TUSC3: variants seen among roughly 807,000 people sequenced by gnomAD.
TUSC3 encodes the protein dolichyl-diphosphooligosaccharide--protein glycosyltransferase subunit TUSC3.
A neutral mutation model predicts 44.8 loss-of-function variants in TUSC3; 45 were observed. The observed-to-expected ratio is 1.00, with a 90% CI of 0.79 to 1.29. TUSC3 has a LOEUF of 1.29. Among genes scored for constraint, TUSC3 ranks in the 50% most tolerant of loss-of-function variants. TUSC3 has a pLI of 0.00. For missense variants in TUSC3, 519 were observed against 437.9 expected, an observed-to-expected ratio of 1.19 and a Z score of -1.65; for synonymous variants, 212 against 152.9, an observed-to-expected ratio of 1.39 and a Z score of -2.85.
At chr8:15,571,259 TA>T (rs1318745390) in intron 1 of TUSC3, among the ~76,000 whole-genome samples, 1 of 152,030 alleles carries the variant, frequency 6.6e-6, no homozygotes, top group Non-Finnish European at 1.5e-5. Context: ...CCACCGCTAT[TA>T]ATTTTTTTTA....
the TUSC3 span, among the ~76,000 whole-genome samples, chr8:15,814,634 G>T: frequency 1.3e-5 from 2 of 152,034 alleles, no homozygotes; most frequent in South Asian, 4.1e-4. Flanking sequence ...ACAAATACCC[G>T]CATAATATTA....
chr8:15,573,202 C>CTATATATATATATATA (rs373565575), intron 1 of TUSC3, among the ~76,000 whole-genome samples: 5 of 74,202 alleles, frequency 6.7e-5, no homozygotes, highest in Non-Finnish European at 9.6e-5. Context: ...CTCTCTCTCT[C>CTATATATATATATATA]TATATATATA....
chr8:15,429,240 T>G (rs1799842004), intron 1 of TUSC3, among the ~76,000 whole-genome samples: 1 of 152,228 alleles, frequency 6.6e-6, no homozygotes, highest in African/African-American at 2.4e-5. Context: ...CTTTCCCCAT[T>G]TCTTCTTTTT....
intron 2 of TUSC3, among the ~76,000 whole-genome samples, chr8:15,508,516 C>T (rs1465969430): frequency 8.6e-6 from 1 of 115,884 alleles, no homozygotes; most frequent in Non-Finnish European, 1.6e-5. Flanking sequence ...GGCTGGAGTG[C>T]AGTGGCGCCA....
At position 15,650,651 on chromosome 8, in the gene TUSC3, G is replaced by T. The variant is rs767166632; in HGVS notation, c.309-46G>T. The stretch of plus-strand genomic sequence containing the variant: ...CTGTTTTAATAACTGCTTTGTAGAT[G>T]CTTCAGTACTGATGTGTTTCTACTA... On this transcript the variant is annotated intron_variant, in intron 2 of 10. Coordinates refer to ENST00000503731, the MANE Select transcript of TUSC3 (RefSeq NM_006765.4). 9 of 1,529,664 alleles carry T rather than the reference G, an allele frequency of 5.9e-6. No homozygotes were observed. The South Asian group carries it at 6.7e-5, about 11-fold the overall frequency. 94.8% of individuals were successfully genotyped at this position (1,529,664 alleles called of 1,614,324 possible).
chr8:15,588,704 CATT>C (rs1294179945), intron 1 of TUSC3, among the ~76,000 whole-genome samples: 8 of 151,990 alleles, frequency 5.3e-5, no homozygotes, highest in African/African-American at 1.7e-4. Context: ...ACACTTAAGT[CATT>C]ATATTTTGAG....
At chr8:15,448,398 C>G (rs995426658) in intron 1 of TUSC3, among the ~76,000 whole-genome samples, 3 of 152,118 alleles carry the variant, frequency 2.0e-5, no homozygotes, top group Middle Eastern at 3.4e-3. Flanking sequence ...GGATTACAGA[C>G]ATGTGCCACC....
intron 7 of TUSC3, among the ~76,000 whole-genome samples, chr8:15,731,736 C>G (rs561065548): frequency 5.1e-4 from 77 of 152,232 alleles, no homozygotes; most frequent in African/African-American, 1.8e-3. Context: ...TATTTTTAAT[C>G]TGGAGGAAAA....
intron 2 of TUSC3, among the ~76,000 whole-genome samples, chr8:15,631,106 A>G (rs751714326): frequency 5.3e-5 from 8 of 152,182 alleles, no homozygotes; most frequent in Non-Finnish European, 8.8e-5. Flanking sequence ...AGACTGGGGA[A>G]GTGTCATGCC....
intron 2 of TUSC3, among the ~76,000 whole-genome samples, chr8:15,634,837 T>A (rs943235719): frequency 5.9e-5 from 9 of 152,234 alleles, no homozygotes; most frequent in African/African-American, 1.2e-4. Flanking sequence ...GATTATCAGA[T>A]GTTCGTCTGG....
chr8:15,628,046 C>T (rs1326300241), intron 2 of TUSC3, among the ~76,000 whole-genome samples: 1 of 152,110 alleles, frequency 6.6e-6, no homozygotes, highest in Non-Finnish European at 1.5e-5. Context: ...AGACAAAATA[C>T]CTTAGTTGCC....
chr8:15,688,646 A>G (rs1015705440), intron 6 of TUSC3, among the ~76,000 whole-genome samples: 1 of 152,042 alleles, frequency 6.6e-6, no homozygotes, highest in East Asian at 1.9e-4. Flanking sequence ...TGAAATAGAA[A>G]TTTATTCTCA....
At chr8:15,827,129 G>T in the TUSC3 span, among the ~76,000 whole-genome samples, 1 of 152,056 alleles carries the variant, frequency 6.6e-6, no homozygotes, top group Non-Finnish European at 1.5e-5. Flanking sequence ...CGATATGGAG[G>T]CAATTTAGAG....
Position 15,587,673 on chromosome 8 carries a change from C to T in TUSC3, c.139-35407C>T, listed in dbSNP as rs572627703. ...TATAGAACACTAGAACTTATTCCTCCTATCTGGCTGTAATTTTGTATGTAT... is the reference window on the plus strand; with the variant it reads ...TATAGAACACTAGAACTTATTCCTCTTATCTGGCTGTAATTTTGTATGTAT... On this transcript the variant is annotated intron_variant, in intron 1 of 10. Coordinates refer to ENST00000503731, the MANE Select transcript of TUSC3 (RefSeq NM_006765.4). Among the ~76,000 whole-genome samples the T allele has an allele frequency of 5.3e-5, 8 of 152,132 alleles. No homozygotes were observed. In the South Asian group the frequency reaches 1.7e-3, roughly 32 times the overall value.
chr8:15,851,806 C>T, the TUSC3 span, among the ~76,000 whole-genome samples: 1 of 152,150 alleles, frequency 6.6e-6, no homozygotes, highest in Non-Finnish European at 1.5e-5. Context: ...TCTTCACCCA[C>T]ATCTCATTTT....
Position 15,743,595 on chromosome 8 carries a change from A to G in TUSC3, c.920A>G (p.Asp307Gly). 7 of 1,613,916 alleles carry G rather than the reference A, an allele frequency of 4.3e-6. No individual in the cohort carries two copies. Among genetic ancestry groups the G allele is most frequent in the Non-Finnish European group, 5.9e-6 (7 of 1,179,840 alleles). ...LLNEAATSKG[D>G]VGKRRIICLV... ...AATGAAGCAGCAACTTCGAAAGGCG[A>G]TGTTGGAAAAAGACGGAGTAAGTCT... is the stretch of plus-strand genomic sequence containing the variant. The change falls in exon 8 of 11, where the codon GAT becomes GGT. Residue 307 changes from aspartate (D) to glycine (G), a missense_variant. Transcript: ENST00000503731.
rs1801643874 is a variant in TUSC3 at position 15,540,490 on chromosome 8, G to A, written c.60G>A (p.Leu20=). ...AAGCGGGGCGGCGGCTGCGGTACCT[G>A]CCCACCGGGAGCTTTCCCTTCCTTC... ...RRQAGRRLRY[L]PTGSFPFLLL... Residue 20 remains leucine, a synonymous_variant, in exon 1 of 11, where the codon CTG becomes CTA. Coordinates refer to ENST00000503731, the MANE Select transcript of TUSC3 (RefSeq NM_006765.4). 1 of 1,608,532 alleles carries A rather than the reference G, an allele frequency of 6.2e-7. No homozygotes were observed. Among genetic ancestry groups the A allele is most frequent in the East Asian group, 2.2e-5 (1 of 44,502 alleles).
At chr8:15,850,916 A>G in the TUSC3 span, among the ~76,000 whole-genome samples, 1 of 152,144 alleles carries the variant, frequency 6.6e-6, no homozygotes, top group Admixed American at 6.5e-5. Context: ...ATTATTATCA[A>G]ATAGTGCTCC....
At chr8:15,457,849 C>CTAATAAATTAATTAGA (rs1479783070) in intron 1 of TUSC3, among the ~76,000 whole-genome samples, 7 of 38,190 alleles carry the variant, frequency 1.8e-4, no homozygotes, top group Non-Finnish European at 5.4e-4. Context: ...GATTAATTAT[C>CTAATAAATTAATTAGA]TAATAATTAT....
Sources: allele counts gnomAD v4.1 joint callset (sites outside exome capture counted in the v4.1 genomes callset), GRCh38; gene constraint gnomAD v4.1.1; transcripts MANE v1.5; gene names NCBI Gene and HGNC (gene_info 2026-07-23, HGNC 2026-07-21).